GRIP1: variants seen among roughly 807,000 people sequenced by gnomAD.
GRIP1 encodes glutamate receptor interacting protein 1.
GRIP1 carries 45 observed loss-of-function variants against 129.9 expected under a neutral mutation model. The ratio of observed to expected loss-of-function variants is 0.35; its 90% CI spans 0.27 to 0.44. GRIP1 has a LOEUF of 0.44. Ranked by LOEUF, GRIP1 falls within the 20% of genes least tolerant of loss-of-function variation. The pLI is 1.00. For synonymous variants in GRIP1, 530 were observed against 520.8 expected (o/e 1.02, Z -0.24); for missense variants, 1,196 against 1,396.8 (o/e 0.86, Z 2.29).
intron 16 of GRIP1, among the ~76,000 whole-genome samples, chr12:66,405,772 T>C: frequency 6.6e-6 from 1 of 152,300 alleles, no homozygotes; most frequent in South Asian, 2.1e-4. Flanking sequence ...TATCTATGCA[T>C]AAAGATGTCT....
Position 66,432,618 on chromosome 12 carries a change from G to A in GRIP1, c.1698C>T (p.Ile566=). Residue 566 remains isoleucine, a synonymous_variant, in exon 14 of 25, where the codon ATC becomes ATT. Coordinates refer to ENST00000359742, the MANE Select transcript of GRIP1 (RefSeq NM_001366722.1). Reference sequence around the variant, plus strand: ...TTACATGAAATGTTCCACTACTTGGGATGACAGACTCTAATATCAAAACAA... The same window carrying A: ...TTACATGAAATGTTCCACTACTTGGAATGACAGACTCTAATATCAAAACAA... ...EIEFDVAESV[I]PSSGTFHVKL... is the part of the protein sequence containing the mutation. 6.3e-7 allele frequency: 1 copy of A among 1,589,134 alleles called. No individual in the cohort carries two copies. Among genetic ancestry groups the A allele is most frequent in the Non-Finnish European group, 8.6e-7 (1 of 1,158,228 alleles).
At chr12:66,885,690 T>C (rs1003346824) in intron 1 of GRIP1, among the ~76,000 whole-genome samples, 1 of 152,106 alleles carries the variant, frequency 6.6e-6, no homozygotes, top group Admixed American at 6.5e-5. Context: ...CAGATACAGC[T>C]GGTAAGCCTG....
chr12:66,384,787 T>C (rs111443840), intron 19 of GRIP1, among the ~76,000 whole-genome samples: 1,757 of 152,344 alleles, frequency 0.012, 35 homozygotes, highest in African/African-American at 0.041. Context: ...ACCTGGGTCC[T>C]GATGACACCA....
At chr12:66,928,515 A>G (rs2137392681) in intron 1 of GRIP1, among the ~76,000 whole-genome samples, 1 of 148,134 alleles carries the variant, frequency 6.8e-6, no homozygotes, top group African/African-American at 2.4e-5. Context: ...ACTTTGGACA[A>G]TTCATTCATT....
chr12:66,901,458 T>C (rs7486402), intron 1 of GRIP1, among the ~76,000 whole-genome samples: 31,511 of 152,214 alleles, frequency 0.21, 3,679 homozygotes, highest in East Asian at 0.56. Flanking sequence ...CTTATGCTTC[T>C]TGAGACCCTC....
intron 11 of GRIP1, among the ~76,000 whole-genome samples, chr12:66,454,857 G>A (rs920335016): frequency 6.6e-6 from 1 of 152,160 alleles, no homozygotes; most frequent in Non-Finnish European, 1.5e-5. Flanking sequence ...AAAAGTATTG[G>A]AGTCTTGGGG....
intron 1 of GRIP1, among the ~76,000 whole-genome samples, chr12:66,791,864 T>G (rs1037080668): frequency 6.6e-6 from 1 of 152,112 alleles, no homozygotes; most frequent in African/African-American, 2.4e-5. Flanking sequence ...CAGTGTCCAT[T>G]GTACCACTCC....
intron 5 of GRIP1, among the ~76,000 whole-genome samples, chr12:66,518,521 GA>G (rs1276034233): frequency 6.6e-6 from 1 of 152,170 alleles, no homozygotes; most frequent in Admixed American, 6.5e-5. Flanking sequence ...TGCAATCCTT[GA>G]ATGGGAATTT....
chr12:66,473,488 A>G (rs1023511991), intron 7 of GRIP1, among the ~76,000 whole-genome samples: 3 of 152,234 alleles, frequency 2.0e-5, no homozygotes, highest in African/African-American at 7.2e-5. Flanking sequence ...TAAGGGACAG[A>G]CTGCCTCCTC....
At chr12:66,596,803 A>G (rs1246988082) in intron 2 of GRIP1, 44 bp downstream of exon 2, 1 of 1,074,170 alleles carries the variant, frequency 9.3e-7, no homozygotes, top group Non-Finnish European at 1.5e-6. Context: ...AAATAACAGG[A>G]TTCAAAAGTA....
At chr12:66,383,298 A>AC (rs2056203001) in intron 19 of GRIP1, among the ~76,000 whole-genome samples, 3 of 121,276 alleles carry the variant, frequency 2.5e-5, no homozygotes, top group Non-Finnish European at 3.4e-5. Flanking sequence ...CTCTGTCTCA[A>AC]AAACAACAAC....
At chr12:66,923,975 G>T (rs1191998606) in intron 1 of GRIP1, among the ~76,000 whole-genome samples, 2 of 152,094 alleles carry the variant, frequency 1.3e-5, no homozygotes, top group Non-Finnish European at 2.9e-5. Context: ...CTCCCGAGTA[G>T]CTGGGATTAC....
At chr12:66,605,707 C>T (rs927558296) in intron 1 of GRIP1, among the ~76,000 whole-genome samples, 1 of 152,116 alleles carries the variant, frequency 6.6e-6, no homozygotes. Flanking sequence ...TCACTATGAT[C>T]TTTCCTTCTT....
chr12:66,741,209 A>T (rs181155630), intron 1 of GRIP1, among the ~76,000 whole-genome samples: 22 of 152,318 alleles, frequency 1.4e-4, no homozygotes, highest in Admixed American at 9.2e-4. Flanking sequence ...ATCTATCCAT[A>T]ATCAACATTT....
intron 1 of GRIP1, among the ~76,000 whole-genome samples, chr12:66,723,304 C>CTTTTTTTTTTTTTTTT (rs57938064): frequency 1.7e-5 from 1 of 58,430 alleles, no homozygotes; most frequent in Admixed American, 2.4e-4. Context: ...TTCTTTCTTT[C>CTTTTTTTTTTTTTTTT]TTTTTTTTTT....
intron 1 of GRIP1, among the ~76,000 whole-genome samples, chr12:67,042,169 C>T (rs553138894): frequency 1.3e-5 from 2 of 152,272 alleles, no homozygotes; most frequent in African/African-American, 4.8e-5. Flanking sequence ...TGACTCTCAC[C>T]AGATGCAGCC....
chr12:66,467,059 T>C (rs974775780), intron 7 of GRIP1, among the ~76,000 whole-genome samples: 4 of 152,180 alleles, frequency 2.6e-5, no homozygotes, highest in African/African-American at 9.7e-5. Context: ...TAAGGATTCT[T>C]GTATGTATTA....
At chr12:66,402,054 C>A (rs547509040) in intron 16 of GRIP1, among the ~76,000 whole-genome samples, 1 of 152,226 alleles carries the variant, frequency 6.6e-6, no homozygotes, top group East Asian at 1.9e-4. Context: ...TACCTACTAC[C>A]AAGTCCTTGC....
chr12:66,827,385 T>A (rs1030805132), intron 1 of GRIP1, among the ~76,000 whole-genome samples: 3 of 71,574 alleles, frequency 4.2e-5, no homozygotes, highest in African/African-American at 1.2e-4. Context: ...TGTGTGTGTG[T>A]GTGAGAGAGA....
Sources: gnomAD v4.1 joint callset for allele counts (sites outside exome capture counted in the v4.1 genomes callset) on GRCh38, gnomAD v4.1.1 for gene constraint, MANE v1.5 for transcripts, NCBI Gene and HGNC (gene_info 2026-07-23, HGNC 2026-07-21) for gene names.